ANK1: variants seen among roughly 807,000 people sequenced by gnomAD.
ANK1 encodes the protein ankyrin-1.
ANK1 carries 51 observed loss-of-function variants against 210.4 expected under a neutral mutation model. The observed-to-expected ratio is 0.24, with a 90% CI of 0.19 to 0.31. ANK1 has a LOEUF of 0.31. Among genes scored for constraint, ANK1 ranks in the 10% least tolerant of loss-of-function variants. The pLI, the probability that ANK1 is intolerant of heterozygous loss-of-function variation, is 1.00. For missense variants in ANK1, 2,051 were observed against 2,504.4 expected, an observed-to-expected ratio of 0.82 and a Z score of 3.86; for synonymous variants, 967 against 1,025.9, an observed-to-expected ratio of 0.94 and a Z score of 1.10.
chr8:41,828,439 A>G (rs1282205819), intron 1 of ANK1: 2 of 154,176 alleles, frequency 1.3e-5, no homozygotes, highest in Non-Finnish European at 2.9e-5. Context: ...GAGGTACGTG[A>G]TGGCGGGCAC....
chr8:41,763,690 G>A (rs2150721812), intron 1 of ANK1, among the ~76,000 whole-genome samples: 1 of 152,182 alleles, frequency 6.6e-6, no homozygotes, highest in South Asian at 2.1e-4. Flanking sequence ...GTCCCACTCA[G>A]GCTCTGTCCC....
intron 1 of ANK1, among the ~76,000 whole-genome samples, chr8:41,886,337 G>A (rs1391927631): frequency 6.6e-6 from 1 of 152,216 alleles, no homozygotes; most frequent in Non-Finnish European, 1.5e-5. Flanking sequence ...AGCCCTGCAT[G>A]GCTGTGGGGT....
At chr8:41,674,762 C>T (rs577172072) in intron 37 of ANK1, among the ~76,000 whole-genome samples, 6 of 152,276 alleles carry the variant, frequency 3.9e-5, no homozygotes, top group East Asian at 1.9e-4. Flanking sequence ...AGGATGAGCC[C>T]GTGAAGGTGG....
intron 1 of ANK1, among the ~76,000 whole-genome samples, chr8:41,886,746 C>A (rs1321319124): frequency 6.6e-6 from 1 of 152,122 alleles, no homozygotes; most frequent in East Asian, 1.9e-4. Flanking sequence ...ACAGGAGAGG[C>A]AGCTAGGGAG....
intron 1 of ANK1, among the ~76,000 whole-genome samples, chr8:41,809,250 A>G (rs1401999859): frequency 6.6e-6 from 1 of 152,224 alleles, no homozygotes; most frequent in Non-Finnish European, 1.5e-5. Context: ...TTAGCTAATT[A>G]TCCCAATCCT....
At chr8:41,735,404 C>T (rs894059118) in intron 2 of ANK1, among the ~76,000 whole-genome samples, 8 of 152,168 alleles carry the variant, frequency 5.3e-5, no homozygotes, top group Non-Finnish European at 1.0e-4. Context: ...CAATTTTCCC[C>T]TCCTGTCCTC....
At chr8:41,857,080 T>C (rs1002863732) in intron 1 of ANK1, among the ~76,000 whole-genome samples, 4 of 151,232 alleles carry the variant, frequency 2.6e-5, no homozygotes, top group Non-Finnish European at 5.9e-5. Flanking sequence ...GGTTTCACCA[T>C]GTTGGTCAGG....
At chr8:41,684,899 C>T (rs543594463) in intron 36 of ANK1, among the ~76,000 whole-genome samples, 65 of 152,148 alleles carry the variant, frequency 4.3e-4, no homozygotes, top group Admixed American at 6.5e-4. Flanking sequence ...GCTAACAGTG[C>T]GCAGTTATTT....
At chr8:41,832,126 C>A (rs1051595606) in intron 1 of ANK1, among the ~76,000 whole-genome samples, 13 of 152,096 alleles carry the variant, frequency 8.5e-5, no homozygotes, top group Non-Finnish European at 1.6e-4. Context: ...TGTCAGAACT[C>A]ACAGGACTGA....
intron 39 of ANK1, chr8:41,664,915 G>A (rs1180536405): frequency 6.2e-7 from 1 of 1,614,244 alleles, no homozygotes. Flanking sequence ...ATGTGCTTTA[G>A]CACAAAGCAC....
chr8:41,707,083 G>A (rs1824792808), intron 17 of ANK1, among the ~76,000 whole-genome samples: 1 of 152,246 alleles, frequency 6.6e-6, no homozygotes, highest in Admixed American at 6.5e-5. Flanking sequence ...CTAGGTGACA[G>A]AGCAAGACTC....
At chr8:41,664,051 G>C in intron 39 of ANK1, 1 of 532,244 alleles carries the variant, frequency 1.9e-6, no homozygotes, top group Non-Finnish European at 3.6e-6. Flanking sequence ...GAGGCCCTGA[G>C]AGAGGAAGTG....
chr8:41,859,113 C>G (rs190064724), intron 1 of ANK1, among the ~76,000 whole-genome samples: 35 of 152,336 alleles, frequency 2.3e-4, no homozygotes, highest in Non-Finnish European at 3.7e-4. Flanking sequence ...GATTTCCCGC[C>G]CAAAGAGCGC....
Position 41,879,758 on chromosome 8 carries a change from G to A in ANK1, c.126+16597C>T, listed in dbSNP as rs547937246. 8.1e-4 allele frequency among the ~76,000 whole-genome samples: 123 copies of A among 152,312 alleles called. 2 individuals are homozygous for A. In the South Asian group the frequency reaches 0.018, roughly 23 times the overall value. On this transcript the variant is annotated intron_variant, in intron 1 of 42. Coordinates refer to the ANK1 transcript ENST00000265709. ...CCTTGGTCAAAGCAACACTCCCCTG[G>A]AGTGGGAATCAGAAGCCCCAGGGCT...
rs142386792 is a variant in ANK1, at chr8:41,672,815, G to T, written c.4635C>A (p.Ala1545=). 6.2e-7 allele frequency: 1 copy of T among 1,608,906 alleles called. No homozygotes were observed. Residue 1545 remains alanine (A), a synonymous_variant, in exon 38 of 43, where the codon GCC becomes GCA. Transcript: ENST00000289734. ...CCGCCAAGGGGATGGCGTCTAGGACGGCCACCTCATTCCAGTACTGGTCTG... is the reference window on the plus strand; with the variant it reads ...CCGCCAAGGGGATGGCGTCTAGGACTGCCACCTCATTCCAGTACTGGTCTG... ...LRADQYWNEV[A]VLDAIPLAAT... is the part of the protein sequence containing the mutation.
At chr8:41,815,961 A>C (rs1803246344) in intron 1 of ANK1, among the ~76,000 whole-genome samples, 1 of 152,248 alleles carries the variant, frequency 6.6e-6, no homozygotes, top group South Asian at 2.1e-4. Context: ...TAAACTAGAC[A>C]TTCGATGAAG....
intron 1 of ANK1, among the ~76,000 whole-genome samples, chr8:41,887,242 CTTTTTTTTTTTTTTT>C (rs35112522): frequency 1.2e-5 from 1 of 80,712 alleles, no homozygotes; most frequent in East Asian, 4.0e-4. Context: ...CTTTCCTTTC[CTTTTTTTTTTTTTTT>C]TTTTTTTTAG....
chr8:41,722,840 CTACGTTGGCAG>C (rs1400372471), intron 9 of ANK1, among the ~76,000 whole-genome samples: 2 of 152,146 alleles, frequency 1.3e-5, no homozygotes, highest in African/African-American at 4.8e-5. Flanking sequence ...TGCTTTTCTG[CTACGTTGGCAG>C]TGTTGAATCA....
intron 1 of ANK1, among the ~76,000 whole-genome samples, chr8:41,893,072 C>T: frequency 6.6e-6 from 1 of 152,142 alleles, no homozygotes; most frequent in Admixed American, 6.5e-5. Flanking sequence ...TTGAATTCTG[C>T]CCTCTTCTAT....
Sources: allele counts gnomAD v4.1 joint callset (sites outside exome capture counted in the v4.1 genomes callset), GRCh38; gene constraint gnomAD v4.1.1; transcripts MANE v1.5; gene names NCBI Gene and HGNC (gene_info 2026-07-23, HGNC 2026-07-21).